IGFBP4: variants seen among roughly 807,000 people sequenced by gnomAD.
The protein encoded by IGFBP4 is insulin like growth factor binding protein 4, also known as insulin-like growth factor-binding protein 4.
Under a neutral mutation model 25.8 loss-of-function variants are expected in IGFBP4, and 9 were observed. The ratio of observed to expected loss-of-function variants is 0.35; its 90% CI spans 0.21 to 0.61. IGFBP4 has a LOEUF of 0.61. IGFBP4 is among the 20% of genes least tolerant of loss of function. IGFBP4 has a pLI of 0.77. For synonymous variants in IGFBP4, 153 were observed against 153.9 expected (o/e 0.99, Z 0.05); for missense variants, 315 against 365.3 (o/e 0.86, Z 1.12).
At position 40,456,879 on chromosome 17, in the gene IGFBP4, C is replaced by G. The variant is rs1001165794; in HGVS notation, c.*296C>G. On this transcript the variant is annotated 3_prime_UTR_variant, in exon 4 of 4. Transcript: ENST00000269593. ...TCTGAGCCCTGGTGTGTTTCCAGAT[C>G]GATCCTGGATTCACTCACTCACTCA... is the stretch of plus-strand genomic sequence containing the variant. 1 of 399,746 alleles carries G rather than the reference C, an allele frequency of 2.5e-6. No individual in the cohort carries two copies. 24.8% of individuals were successfully genotyped at this position (399,746 alleles called of 1,614,324 possible).
Position 40,456,536 on chromosome 17 carries a change from A to G in IGFBP4, c.730A>G (p.Lys244Glu). ...GAAGCTTCCGGGGGGCCTGGAGCCAAAGGGGGAGCTGGACTGCCACCAGCT... is the reference window on the plus strand; with the variant it reads ...GAAGCTTCCGGGGGGCCTGGAGCCAGAGGGGGAGCTGGACTGCCACCAGCT... Reference protein sequence around the residue: ...GVKLPGGLEPKGELDCHQLAD... With the variant: ...GVKLPGGLEPEGELDCHQLAD... Residue 244 changes from lysine to glutamate, a missense_variant, in exon 4 of 4, where the codon AAG becomes GAG. By Grantham distance (56) the Lys-to-Glu change is moderately conservative. Transcript: ENST00000269593. The G allele has an allele frequency of 6.2e-7, 1 of 1,613,484 alleles. No individual in the cohort carries two copies. The highest frequency in any genetic ancestry group is 1.3e-5 in the African/African-American group (1 of 74,980).
chr17:40,453,374 A>C lies in IGFBP4; in HGVS notation c.507+232A>C, dbSNP rs1346140723. Among the ~76,000 whole-genome samples, 1 of 152,136 alleles carries C rather than the reference A, an allele frequency of 6.6e-6. No individual in the cohort carries two copies. The highest frequency in any genetic ancestry group is 1.9e-4 in the East Asian group (1 of 5,194). ...GGGATTCCTTTCCTGCCCATCAGTT[A>C]TATACATCGGGGCAGCTTAAGTGAT... On this transcript the variant is annotated intron_variant, in intron 2 of 3. Coordinates refer to ENST00000269593, the MANE Select transcript of IGFBP4 (RefSeq NM_001552.3). The surrounding 1 kb of genome is among the most constrained non-coding windows in gnomAD (Gnocchi z 4.0).
In IGFBP4 at chr17:40,453,077, G is replaced by T. The variant is rs1205561718; in HGVS notation, c.442G>T (p.Asp148Tyr). 6.2e-7 allele frequency: 1 copy of T among 1,601,408 alleles called. No homozygotes were observed. The highest frequency in any genetic ancestry group is 1.3e-5 in the African/African-American group (1 of 74,652). The change falls in exon 2 of 4, where the codon GAC becomes TAC. Residue 148 changes from aspartate (D) to tyrosine (Y), a missense_variant. Transcript: ENST00000269593. This position sits in a 1 kb window ranked among gnomAD's most constrained non-coding sequence, Gnocchi z 4.0. ...CLQKHFAKIR[D>Y]RSTSGGKMKV... ...GCAGAAGCACTTCGCCAAAATTCGAGACCGGAGCACCAGTGGGGGCAAGAT... is the reference window on the plus strand; with the variant it reads ...GCAGAAGCACTTCGCCAAAATTCGATACCGGAGCACCAGTGGGGGCAAGAT...
rs115339863 is a variant in IGFBP4, at chr17:40,448,938, G to A, written c.350-4047G>A. 6.7e-3 allele frequency among the ~76,000 whole-genome samples: 1,026 copies of A among 152,336 alleles called. 8 individuals are homozygous for A. The highest frequency in any genetic ancestry group is 0.023 in the African/African-American group (974 of 41,562). On this transcript the variant is annotated intron_variant, in intron 1 of 3. Coordinates refer to ENST00000269593, the MANE Select transcript of IGFBP4 (RefSeq NM_001552.3). ...TGTGTGTCTGGACACGTGATTGTTT[G>A]TGTACACTTGCAGTTCTTGAGCCTG...
At position 40,443,705 on chromosome 17, in the gene IGFBP4, C is replaced by CCCCGCG. The variant is rs2035622721; in HGVS notation, c.-21_-16dup. 1 of 1,303,112 alleles carries CCCCGCG rather than the reference C, an allele frequency of 7.7e-7. No homozygotes were observed. Among genetic ancestry groups the CCCCGCG allele is most frequent in the Non-Finnish European group, 9.8e-7 (1 of 1,024,194 alleles). The allele number at this position is 1,303,112 out of a possible 1,614,324, so 80.7% of individuals were successfully genotyped here. ...CCGCGCTCCCCGCCTGCGCCCAGCG[C>CCCCGCG]CCCGCGCCCGCGCCCAGTCCTCGGG... On this transcript the variant is annotated 5_prime_UTR_variant, in exon 1 of 4. Transcript: ENST00000269593.
At position 40,453,064 on chromosome 17, in the gene IGFBP4, C is replaced by G. The variant is rs767115395; in HGVS notation, c.429C>G (p.Phe143Leu). ...ACCGCAGGTGCCTGCAGAAGCACTT[C>G]GCCAAAATTCGAGACCGGAGCACCA... ...AHDRRCLQKH[F>L]AKIRDRSTSG... The change falls in exon 2 of 4, where the codon TTC (phenylalanine) becomes TTG (leucine). Residue 143 changes from phenylalanine to leucine, a missense_variant. Physicochemically the swap from Phe to Leu is conservative, Grantham distance 22. Transcript: ENST00000269593. The surrounding 1 kb of genome is among the most constrained non-coding windows in gnomAD (Gnocchi z 4.0). 7 of 1,601,724 alleles carry G rather than the reference C, an allele frequency of 4.4e-6. No homozygotes were observed. In the South Asian group the frequency reaches 7.9e-5, roughly 18 times the overall value.
chr17:40,452,181 C>A (rs144705373), intron 1 of IGFBP4, among the ~76,000 whole-genome samples: 1 of 152,288 alleles, frequency 6.6e-6, no homozygotes, highest in Non-Finnish European at 1.5e-5. Context: ...TTCAGGAGAT[C>A]CCACAGAGGG....
At chr17:40,446,908 C>CTA (rs1327890458) in intron 1 of IGFBP4, among the ~76,000 whole-genome samples, 1 of 152,210 alleles carries the variant, frequency 6.6e-6, no homozygotes, top group Non-Finnish European at 1.5e-5. Flanking sequence ...AAAAGGCACT[C>CTA]TCTAGAGTTC....
chr17:40,445,696 G>C (rs2035640579), intron 1 of IGFBP4, among the ~76,000 whole-genome samples: 1 of 152,196 alleles, frequency 6.6e-6, no homozygotes, highest in African/African-American at 2.4e-5. Context: ...TAATCTTGGG[G>C]CAGAGATGCC....
chr17:40,451,672 C>T (rs2035683707), intron 1 of IGFBP4, among the ~76,000 whole-genome samples: 1 of 152,192 alleles, frequency 6.6e-6, no homozygotes, highest in African/African-American at 2.4e-5. Context: ...AGCGAGCTGC[C>T]AAGCCTGAGC....
rs1470981215 is a variant in IGFBP4, at chr17:40,453,379, C to G, written c.507+237C>G. 1.3e-5 allele frequency among the ~76,000 whole-genome samples: 2 copies of G among 152,156 alleles called. No individual in the cohort carries two copies. The highest frequency in any genetic ancestry group is 4.8e-5 in the African/African-American group (2 of 41,430). On this transcript the variant is annotated intron_variant, in intron 2 of 3. Coordinates refer to ENST00000269593, the MANE Select transcript of IGFBP4 (RefSeq NM_001552.3). The surrounding 1 kb of genome is among the most constrained non-coding windows in gnomAD (Gnocchi z 4.0). ...TCCTTTCCTGCCCATCAGTTATATA[C>G]ATCGGGGCAGCTTAAGTGATTATTA...
rs969842399 is a variant in IGFBP4, at chr17:40,457,622, G to C, written c.*1039G>C. On this transcript the variant is annotated 3_prime_UTR_variant, in exon 4 of 4. Transcript: ENST00000269593. ...TCCCTACTCCCCTGGGCATCTTCTG[G>C]CTTGACTGGATGGAAGGAGACTTAG... 6.6e-6 allele frequency: 1 copy of C among 152,078 alleles called. No homozygotes were observed. The highest frequency in any genetic ancestry group is 1.5e-5 in the Non-Finnish European group (1 of 68,050). 9.4% of individuals were successfully genotyped at this position (152,078 alleles called of 1,614,324 possible).
intron 1 of IGFBP4, among the ~76,000 whole-genome samples, chr17:40,448,618 A>G (rs1212475857): frequency 1.3e-5 from 2 of 152,316 alleles, no homozygotes; most frequent in East Asian, 3.9e-4. Context: ...TGAGCAGGGA[A>G]ATAGCAAGTA....
intron 1 of IGFBP4, among the ~76,000 whole-genome samples, chr17:40,445,940 A>G (rs1422726140): frequency 2.6e-5 from 4 of 152,108 alleles, no homozygotes; most frequent in Non-Finnish European, 5.9e-5. Flanking sequence ...CTGGTTGGGT[A>G]GGAATACTCC....
chr17:40,444,926 C>CAGAGAGAG (rs1272915770), intron 1 of IGFBP4, among the ~76,000 whole-genome samples: 2 of 62,692 alleles, frequency 3.2e-5, no homozygotes, highest in African/African-American at 4.5e-5. Context: ...CACACACACA[C>CAGAGAGAG]AGAGACAGAG....
intron 1 of IGFBP4, among the ~76,000 whole-genome samples, chr17:40,447,297 A>G (rs4890114): frequency 0.35 from 52,996 of 152,132 alleles, 11,169 homozygotes; most frequent in South Asian, 0.54. Context: ...GCCACCAGAG[A>G]TGAGGCGGGG....
chr17:40,448,659 C>T (rs2035664752), intron 1 of IGFBP4, among the ~76,000 whole-genome samples: 2 of 152,162 alleles, frequency 1.3e-5, no homozygotes, highest in Non-Finnish European at 1.5e-5. Flanking sequence ...AGAAGGTTAA[C>T]GTTATCAAGA....
At position 40,453,958 on chromosome 17, in the gene IGFBP4, C is replaced by T. The variant is rs760167622; in HGVS notation, c.538C>T (p.Arg180Trp). 29 of 1,611,894 alleles carry T rather than the reference C, an allele frequency of 1.8e-5. No homozygotes were observed. The highest frequency in any genetic ancestry group is 2.0e-5 in the Non-Finnish European group (23 of 1,179,294). Reference sequence around the variant, plus strand: ...GGGCTCCTGCCAGAGCGAGCTGCACCGGGCGCTGGAGCGGCTGGCCGCTTC... The same window carrying T: ...GGGCTCCTGCCAGAGCGAGCTGCACTGGGCGCTGGAGCGGCTGGCCGCTTC... ...PQGSCQSELH[R>W]ALERLAASQS... The change falls in exon 3 of 4, where the codon CGG becomes TGG. Residue 180 changes from arginine (R) to tryptophan (W), a missense_variant. Transcript: ENST00000269593. The surrounding 1 kb of genome is among the most constrained non-coding windows in gnomAD (Gnocchi z 4.0).
rs773121293 is a variant in IGFBP4 at position 40,456,545 on chromosome 17, C to A, written c.739C>A (p.Leu247Met). The A allele has an allele frequency of 2.1e-5, 34 of 1,613,274 alleles. 1 individual carries two copies. In the South Asian group the frequency reaches 3.7e-4, roughly 18 times the overall value. Residue 247 changes from leucine (L) to methionine (M), a missense_variant, in exon 4 of 4, where the codon CTG (leucine) becomes ATG (methionine). Leu to Met is a conservative substitution (Grantham distance 15). Transcript: ENST00000269593. ...LPGGLEPKGE[L>M]DCHQLADSFR... is the part of the protein sequence containing the mutation. ...GGGGGGCCTGGAGCCAAAGGGGGAG[C>A]TGGACTGCCACCAGCTGGCTGACAG...
Sources: allele counts gnomAD v4.1 joint callset (sites outside exome capture counted in the v4.1 genomes callset), GRCh38; gene constraint gnomAD v4.1.1; non-coding constraint Gnocchi (gnomAD v3.1); transcripts MANE v1.5; gene names NCBI Gene and HGNC (gene_info 2026-07-23, HGNC 2026-07-21).